Variants in SRGAP3 observed in about 807,000 individuals in gnomAD.
The protein encoded by SRGAP3 is SLIT-ROBO Rho GTPase activating protein 3, also known as SLIT-ROBO Rho GTPase-activating protein 3.
SRGAP3 carries 39 observed loss-of-function variants against 121.1 expected under a neutral mutation model. That is an observed-to-expected ratio of 0.32 (90% CI 0.25 to 0.42). The LOEUF is 0.42. Ranked by LOEUF, SRGAP3 falls within the 10% of genes least tolerant of loss-of-function variation. The pLI is 1.00. For missense variants in SRGAP3, 1,213 were observed against 1,470.6 expected (o/e 0.82, Z 2.86); for synonymous variants, 601 against 570.0 (o/e 1.05, Z -0.77).
intron 3 of SRGAP3, among the ~76,000 whole-genome samples, chr3:9,098,159 C>T (rs1221327716): frequency 2.0e-5 from 3 of 152,220 alleles, no homozygotes; most frequent in Non-Finnish European, 2.9e-5. Flanking sequence ...AACCATCCCT[C>T]TCTGCTGTAT....
intron 3 of SRGAP3, among the ~76,000 whole-genome samples, chr3:9,319,365 G>A (rs893321120): frequency 2.0e-5 from 3 of 151,888 alleles, no homozygotes; most frequent in Non-Finnish European, 4.4e-5. Flanking sequence ...GGGGATGTGT[G>A]TTAGGAAATC....
intron 10 of SRGAP3, 109 bp from the exon 11 acceptor site, chr3:9,038,199 T>C: frequency 2.1e-6 from 3 of 1,447,260 alleles, no homozygotes; most frequent in Non-Finnish European, 2.9e-6. Context: ...ATTTATGAAA[T>C]ATGAAATCTA....
intron 3 of SRGAP3, among the ~76,000 whole-genome samples, chr3:9,089,314 G>A (rs1947645971): frequency 7.2e-6 from 1 of 138,346 alleles, no homozygotes; most frequent in African/African-American, 2.7e-5. Flanking sequence ...GGGGGCTGGA[G>A]GCTCAGAATG....
intron 18 of SRGAP3, 79 bp downstream of exon 18, chr3:9,010,229 G>C: frequency 1.3e-6 from 2 of 1,525,368 alleles, no homozygotes; most frequent in Non-Finnish European, 1.8e-6. Flanking sequence ...ATGTGGGCCA[G>C]CCCTGTGGTT....
chr3:9,159,796 T>C (rs1289837605), intron 1 of SRGAP3, among the ~76,000 whole-genome samples: 2 of 152,186 alleles, frequency 1.3e-5, no homozygotes, highest in African/African-American at 4.8e-5. Context: ...ATGGAGCCTT[T>C]CCCCAGTGCT....
intron 18 of SRGAP3, among the ~76,000 whole-genome samples, chr3:9,002,878 G>A (rs1298090873): frequency 2.0e-5 from 3 of 151,720 alleles, no homozygotes; most frequent in Non-Finnish European, 2.9e-5. Flanking sequence ...ACAAACTATT[G>A]AAACTGACTT....
At chr3:9,055,601 T>G (rs1385199096) in intron 8 of SRGAP3, among the ~76,000 whole-genome samples, 1 of 152,242 alleles carries the variant, frequency 6.6e-6, no homozygotes, top group Non-Finnish European at 1.5e-5. Context: ...TCCTTGGAGC[T>G]CAGAATCCAT....
intron 3 of SRGAP3, among the ~76,000 whole-genome samples, chr3:9,285,592 T>G (rs1013571701): frequency 2.0e-5 from 3 of 152,122 alleles, no homozygotes; most frequent in Non-Finnish European, 4.4e-5. Context: ...TCACACTTAC[T>G]TGTTCCACAA....
chr3:8,994,258 A>G (rs968049522), intron 19 of SRGAP3, 85 bp downstream of exon 19: 3 of 1,557,140 alleles, frequency 1.9e-6, no homozygotes, highest in Non-Finnish European at 1.8e-6. Flanking sequence ...TTGCTGGCAT[A>G]CAAGCTAGCA....
At chr3:9,027,077 T>A in intron 12 of SRGAP3, 82 bp from the exon 13 acceptor site, 1 of 1,275,572 alleles carries the variant, frequency 7.8e-7, no homozygotes. Flanking sequence ...GATTACAGAC[T>A]CAAGCCAGAA....
At chr3:9,011,987 TG>T (rs1943402473) in intron 17 of SRGAP3, among the ~76,000 whole-genome samples, 1 of 152,198 alleles carries the variant, frequency 6.6e-6, no homozygotes, top group Non-Finnish European at 1.5e-5. Context: ...AAAAGAGAAC[TG>T]GTAATGGTTG....
intron 1 of SRGAP3, among the ~76,000 whole-genome samples, chr3:9,153,401 A>G (rs943452182): frequency 1.3e-5 from 2 of 152,186 alleles, no homozygotes; most frequent in Admixed American, 1.3e-4. Flanking sequence ...TATAGAGAAA[A>G]AAACCTGAGG....
At chr3:9,211,090 T>C (rs1433621507) in intron 1 of SRGAP3, among the ~76,000 whole-genome samples, 1 of 152,198 alleles carries the variant, frequency 6.6e-6, no homozygotes, top group Non-Finnish European at 1.5e-5. Context: ...ATTTTCTTAA[T>C]TAGGTATTTT....
At chr3:9,065,663 C>T (rs980438165) in intron 4 of SRGAP3, 1 of 152,202 alleles carries the variant, frequency 6.6e-6, no homozygotes, top group Non-Finnish European at 1.5e-5. Flanking sequence ...TGGTGCCGTA[C>T]ATATCAGAAC....
chr3:9,291,168 A>G (rs1954862412), intron 3 of SRGAP3, among the ~76,000 whole-genome samples: 1 of 152,188 alleles, frequency 6.6e-6, no homozygotes, highest in Non-Finnish European at 1.5e-5. Context: ...ATACATGATC[A>G]ATTCATCTCG....
intron 11 of SRGAP3, chr3:9,036,809 A>G (rs1191273416): frequency 1.3e-5 from 2 of 152,188 alleles, no homozygotes; most frequent in Non-Finnish European, 2.9e-5. Flanking sequence ...AGACTATGAC[A>G]ACATTCTCTC....
At chr3:9,139,444 G>A (rs79227848) in intron 1 of SRGAP3, among the ~76,000 whole-genome samples, 1 of 152,222 alleles carries the variant, frequency 6.6e-6, no homozygotes, top group East Asian at 1.9e-4. Flanking sequence ...CAGAAGAGGA[G>A]GAGGCAGTGT....
intron 3 of SRGAP3, among the ~76,000 whole-genome samples, chr3:9,284,720 C>G (rs1574971276): frequency 6.6e-6 from 1 of 151,404 alleles, no homozygotes; most frequent in East Asian, 1.9e-4. Flanking sequence ...GTAGTCCCAG[C>G]TACTCGGGAG....
At chr3:9,259,371 T>G (rs1222933430) in intron 3 of SRGAP3, among the ~76,000 whole-genome samples, 3 of 152,182 alleles carry the variant, frequency 2.0e-5, no homozygotes, top group African/African-American at 7.2e-5. Context: ...CTGGACTTCC[T>G]GGGCTCAAGC....
Sources: gnomAD v4.1 joint callset for allele counts (sites outside exome capture counted in the v4.1 genomes callset) on GRCh38, gnomAD v4.1.1 for gene constraint, MANE v1.5 for transcripts, NCBI Gene and HGNC (gene_info 2026-07-23, HGNC 2026-07-21) for gene names.